The following ETV6 variants were observed in gnomAD, a reference collection of about 807,000 sequenced individuals.
The protein encoded by ETV6 is ETS variant transcription factor 6.
In ETV6, 16 loss-of-function variants were observed where a neutral mutation model predicts 51.1. The ratio of observed to expected loss-of-function variants is 0.31; its 90% CI spans 0.21 to 0.48. The LOEUF (loss-of-function observed/expected upper bound fraction) is 0.48. Ranked by LOEUF, ETV6 falls within the 20% of genes least tolerant of loss-of-function variation. ETV6 has a pLI of 0.99. For missense variants in ETV6, 458 were observed against 594.8 expected (o/e 0.77, Z 2.39); for synonymous variants, 240 against 224.1 (o/e 1.07, Z -0.64).
intron 1 of ETV6, among the ~76,000 whole-genome samples, chr12:11,673,234 A>C (rs906558536): frequency 1.3e-5 from 2 of 151,974 alleles, no homozygotes; most frequent in Admixed American, 6.6e-5. Context: ...AGCAGGTGGG[A>C]GTGGTGAATG....
intron 4 of ETV6, among the ~76,000 whole-genome samples, chr12:11,856,430 A>C (rs1424292606): frequency 6.6e-6 from 1 of 152,184 alleles, no homozygotes; most frequent in African/African-American, 2.4e-5. Context: ...CCAGGAAGCA[A>C]GGTCTGAGAG....
At chr12:11,771,831 C>T in intron 2 of ETV6, among the ~76,000 whole-genome samples, 1 of 152,182 alleles carries the variant, frequency 6.6e-6, no homozygotes, top group East Asian at 1.9e-4. Flanking sequence ...ATCAGACTTG[C>T]ATAGCAAAGA....
chr12:11,794,659 C>G (rs561059560), intron 2 of ETV6, among the ~76,000 whole-genome samples: 63 of 152,302 alleles, frequency 4.1e-4, no homozygotes, highest in African/African-American at 1.5e-3. Context: ...TATACTCTAT[C>G]AGTGCCCATT....
intron 1 of ETV6, among the ~76,000 whole-genome samples, chr12:11,713,919 A>G (rs1250362408): frequency 6.6e-6 from 1 of 152,208 alleles, no homozygotes; most frequent in Non-Finnish European, 1.5e-5. Context: ...TGTGCAACCA[A>G]GCTTGAGAAC....
intron 5 of ETV6, among the ~76,000 whole-genome samples, chr12:11,878,498 T>C (rs2136570750): frequency 6.6e-6 from 1 of 152,272 alleles, no homozygotes; most frequent in African/African-American, 2.4e-5. Context: ...GGATCTCAGC[T>C]GCAGGCTGTG....
intron 1 of ETV6, among the ~76,000 whole-genome samples, chr12:11,654,362 A>G (rs933715170): frequency 6.6e-6 from 1 of 152,180 alleles, no homozygotes; most frequent in East Asian, 1.9e-4. Flanking sequence ...GAGGGGATCC[A>G]GAGAGCTAAG....
At chr12:11,779,459 G>A (rs894887286) in intron 2 of ETV6, among the ~76,000 whole-genome samples, 1 of 152,144 alleles carries the variant, frequency 6.6e-6, no homozygotes, top group Non-Finnish European at 1.5e-5. Flanking sequence ...GTCAAGAAAG[G>A]AATGGATTGC....
intron 2 of ETV6, among the ~76,000 whole-genome samples, chr12:11,774,482 C>T (rs1029660562): frequency 6.6e-6 from 1 of 152,168 alleles, no homozygotes; most frequent in East Asian, 1.9e-4. Context: ...TGCACACCTG[C>T]CTGTCCTAGG....
At chr12:11,820,420 A>G (rs1308560061) in intron 2 of ETV6, among the ~76,000 whole-genome samples, 1 of 152,240 alleles carries the variant, frequency 6.6e-6, no homozygotes, top group African/African-American at 2.4e-5. Flanking sequence ...CATGATTAGT[A>G]AAATTATTAG....
intron 1 of ETV6, among the ~76,000 whole-genome samples, chr12:11,723,396 T>C (rs1865429683): frequency 6.6e-6 from 1 of 152,230 alleles, no homozygotes; most frequent in Admixed American, 6.5e-5. Flanking sequence ...TCCCATGTCC[T>C]GCTTGCCTTC....
chr12:11,804,485 G>A (rs1040744262), intron 2 of ETV6, among the ~76,000 whole-genome samples: 1 of 124,748 alleles, frequency 8.0e-6, no homozygotes, highest in African/African-American at 3.2e-5. Flanking sequence ...TGCTATTCTT[G>A]GAACACACAA....
chr12:11,812,292 T>C (rs1945924993), intron 2 of ETV6, among the ~76,000 whole-genome samples: 1 of 152,150 alleles, frequency 6.6e-6, no homozygotes, highest in Non-Finnish European at 1.5e-5. Context: ...CGCCTCTAAT[T>C]CCTTGCAGTA....
At chr12:11,776,619 C>T (rs1048775880) in intron 2 of ETV6, among the ~76,000 whole-genome samples, 1 of 152,132 alleles carries the variant, frequency 6.6e-6, no homozygotes, top group Admixed American at 6.6e-5. Flanking sequence ...ATCTGACACA[C>T]CTGGTCACTC....
At chr12:11,691,645 A>G (rs1315439703) in intron 1 of ETV6, among the ~76,000 whole-genome samples, 3 of 152,198 alleles carry the variant, frequency 2.0e-5, no homozygotes, top group Admixed American at 6.5e-5. Flanking sequence ...GACTGCCAGC[A>G]TTCATGTGTA....
At chr12:11,776,573 C>T (rs1945328814) in intron 2 of ETV6, among the ~76,000 whole-genome samples, 1 of 152,116 alleles carries the variant, frequency 6.6e-6, no homozygotes, top group South Asian at 2.1e-4. Context: ...ATTTTCAATA[C>T]ACATGTAGCT....
intron 2 of ETV6, among the ~76,000 whole-genome samples, chr12:11,830,298 T>C (rs1946223440): frequency 6.6e-6 from 1 of 152,208 alleles, no homozygotes; most frequent in African/African-American, 2.4e-5. Context: ...CAGTGCATTT[T>C]AGAGTGCAAG....
chr12:11,772,611 A>AT, intron 2 of ETV6, among the ~76,000 whole-genome samples: 1 of 152,292 alleles, frequency 6.6e-6, no homozygotes, highest in Non-Finnish European at 1.5e-5. Context: ...TTGATTGCAT[A>AT]TTTCCTCTAA....
At chr12:11,848,614 G>A (rs1233322008) in intron 3 of ETV6, among the ~76,000 whole-genome samples, 1 of 152,254 alleles carries the variant, frequency 6.6e-6, no homozygotes, top group Non-Finnish European at 1.5e-5. Context: ...GTGTGTGCGT[G>A]TGTGTGCGCA....
intron 1 of ETV6, among the ~76,000 whole-genome samples, chr12:11,723,845 AAAAATC>A (rs1191868076): frequency 6.6e-6 from 1 of 152,082 alleles, no homozygotes; most frequent in Non-Finnish European, 1.5e-5. Context: ...ACCACCCATC[AAAAATC>A]TTTAAAACGA....
Sources: allele counts gnomAD v4.1 joint callset (sites outside exome capture counted in the v4.1 genomes callset), GRCh38; gene constraint gnomAD v4.1.1; transcripts MANE v1.5; gene names NCBI Gene and HGNC (gene_info 2026-07-23, HGNC 2026-07-21).